ZNF831: variants seen among roughly 807,000 people sequenced by gnomAD.
The protein encoded by ZNF831 is chromosome 20 open reading frame 174.
Under a neutral mutation model 95.8 loss-of-function variants are expected in ZNF831, and 59 were observed. The ratio of observed to expected loss-of-function variants is 0.62; its 90% CI spans 0.50 to 0.77. The LOEUF is 0.77. Ranked by LOEUF, ZNF831 falls within the 30% of genes least tolerant of loss-of-function variation. ZNF831 has a pLI of 0.00. For synonymous variants in ZNF831, 961 were observed against 925.5 expected (o/e 1.04, Z -0.70); for missense variants, 2,205 against 2,164.0 (o/e 1.02, Z -0.38).
intron 1 of ZNF831, among the ~76,000 whole-genome samples, chr20:59,170,246 G>T (rs906395525): frequency 6.6e-6 from 1 of 152,084 alleles, no homozygotes; most frequent in African/African-American, 2.4e-5. Flanking sequence ...TGTGGGAAAT[G>T]CTCCTCTTTT....
intron 1 of ZNF831, among the ~76,000 whole-genome samples, chr20:59,145,340 G>A (rs535065857): frequency 6.6e-6 from 1 of 152,058 alleles, no homozygotes; most frequent in African/African-American, 2.4e-5. Flanking sequence ...AGGAGGGGTC[G>A]GTCCTTTAAG....
At chr20:59,176,118 C>T (rs542829315) in intron 1 of ZNF831, among the ~76,000 whole-genome samples, 10 of 152,286 alleles carry the variant, frequency 6.6e-5, no homozygotes, top group Middle Eastern at 3.4e-3. Context: ...ACACCCACAC[C>T]GTAAAACAGG....
In ZNF831 at chr20:59,195,926, T is replaced by G. The variant is rs370114930; in HGVS notation, c.3796T>G (p.Trp1266Gly). The change falls in exon 3 of 6, where the codon TGG becomes GGG. Residue 1266 changes from tryptophan to glycine, a missense_variant. By Grantham distance (184) the Trp-to-Gly change is radical (BLOSUM62 -2). Coordinates refer to ENST00000371030, the MANE Select transcript of ZNF831 (RefSeq NM_178457.3). The part of the protein sequence containing the change: ...MPQHQVSEPE[W>G]KKGLPWRAKM... ...CCAGCACCAGGTGTCTGAGCCAGAA[T>G]GGAAGAAAGGCCTGCCTTGGAGGGC... The G allele has an allele frequency of 6.8e-6, 11 of 1,614,030 alleles. No individual in the cohort carries two copies. The highest frequency in any genetic ancestry group is 9.3e-6 in the Non-Finnish European group (11 of 1,180,030).
chr20:59,136,043 C>G (rs77044088), intron 1 of ZNF831, among the ~76,000 whole-genome samples: 15,461 of 152,210 alleles, frequency 0.1, 830 homozygotes, highest in Non-Finnish European at 0.12. Context: ...GCTTATTCAG[C>G]TTGTCATCAG....
chr20:59,214,210 C>T (rs1389429791), intron 4 of ZNF831, among the ~76,000 whole-genome samples: 1 of 152,206 alleles, frequency 6.6e-6, no homozygotes, highest in Non-Finnish European at 1.5e-5. Flanking sequence ...CCACGTGTCC[C>T]TGCTTCACTG....
chr20:59,207,106 G>A (rs769327353), intron 4 of ZNF831, 50 bp downstream of exon 4: 87 of 1,596,176 alleles, frequency 5.5e-5, no homozygotes, highest in Middle Eastern at 1.8e-4. Context: ...GAAGGCACCC[G>A]CCCAAGGCAT....
intron 1 of ZNF831, among the ~76,000 whole-genome samples, chr20:59,129,395 G>A (rs1979279365): frequency 6.6e-6 from 1 of 152,170 alleles, no homozygotes; most frequent in Non-Finnish European, 1.5e-5. Flanking sequence ...GGGAGGCTGA[G>A]GCGGGTGGAT....
At chr20:59,204,601 C>G (rs1984752948) in intron 3 of ZNF831, among the ~76,000 whole-genome samples, 1 of 152,144 alleles carries the variant, frequency 6.6e-6, no homozygotes, top group Non-Finnish European at 1.5e-5. Flanking sequence ...AGTTTCGCCC[C>G]AGAAAGGAAT....
At chr20:59,220,182 C>T (rs956376427) in intron 4 of ZNF831, among the ~76,000 whole-genome samples, 1 of 152,158 alleles carries the variant, frequency 6.6e-6, no homozygotes, top group African/African-American at 2.4e-5. Context: ...CTGGAATTTT[C>T]CTATGCAACG....
chr20:59,167,328 T>C (rs1009540168), intron 1 of ZNF831, among the ~76,000 whole-genome samples: 1 of 152,186 alleles, frequency 6.6e-6, no homozygotes, highest in Non-Finnish European at 1.5e-5. Context: ...GTATAGATTT[T>C]AAATATAAGT....
rs139643648 is a variant in ZNF831, at chr20:59,258,136, A to T, written c.*3393A>T. The T allele has an allele frequency of 6.6e-6, 1 of 152,324 alleles. No individual in the cohort carries two copies. The highest frequency in any genetic ancestry group is 1.9e-4 in the East Asian group (1 of 5,180). 9.4% of individuals were successfully genotyped at this position (152,324 alleles called of 1,614,324 possible). A position where few individuals can be genotyped will look rare whatever the true frequency, so the allele number is the denominator to read the frequency against. ...AATAATCCCCTTTGGTTCACATCTCACAGTAACCAGGAGAACCTATGGTTC... is the reference window on the plus strand; with the variant it reads ...AATAATCCCCTTTGGTTCACATCTCTCAGTAACCAGGAGAACCTATGGTTC... On this transcript the variant is annotated 3_prime_UTR_variant, in exon 6 of 6. Transcript: ENST00000371030.
At chr20:59,224,198 C>T (rs1986287535) in intron 4 of ZNF831, among the ~76,000 whole-genome samples, 1 of 152,196 alleles carries the variant, frequency 6.6e-6, no homozygotes, top group Non-Finnish European at 1.5e-5. Flanking sequence ...TTCCTGGAGA[C>T]CTGCTTCCCC....
chr20:59,251,806 C>G (rs2146753511), intron 4 of ZNF831, among the ~76,000 whole-genome samples: 1 of 152,246 alleles, frequency 6.6e-6, no homozygotes, highest in South Asian at 2.1e-4. Flanking sequence ...TTTTAAAAAG[C>G]AAAATCGTCA....
At chr20:59,155,155 A>G (rs1980468073) in intron 2 of ZNF831, among the ~76,000 whole-genome samples, 1 of 151,982 alleles carries the variant, frequency 6.6e-6, no homozygotes, top group Admixed American at 6.5e-5. Flanking sequence ...CTTTTTTTTC[A>G]TTACAATCTG....
intron 4 of ZNF831, among the ~76,000 whole-genome samples, chr20:59,237,143 A>AGGG: frequency 6.6e-6 from 1 of 152,282 alleles, no homozygotes; most frequent in African/African-American, 2.4e-5. Context: ...TATACCTAAT[A>AGGG]AGCCTTTCCT....
At position 59,184,044 on chromosome 20, in the gene ZNF831, A is replaced by C. The variant is rs76395866; in HGVS notation, c.-36-6940A>C. On this transcript the variant is annotated intron_variant, in intron 1 of 5. Transcript: ENST00000371030. ...CCACCTCTTCATCCCCTCCTCCCCC[A>C]ACCCCTGGCAACCCCTGACCTTTTC... 1.2e-3 allele frequency among the ~76,000 whole-genome samples: 188 copies of C among 151,336 alleles called. 2 individuals carry two copies. In the East Asian group the frequency reaches 0.031, roughly 25 times the overall value.
intron 4 of ZNF831, among the ~76,000 whole-genome samples, chr20:59,251,953 G>A (rs1987910688): frequency 6.6e-6 from 1 of 152,072 alleles, no homozygotes; most frequent in African/African-American, 2.4e-5. Context: ...CAGGCCATAG[G>A]GGTTAGAGAA....
At chr20:59,189,582 G>A (rs1983343716) in intron 1 of ZNF831, among the ~76,000 whole-genome samples, 1 of 152,146 alleles carries the variant, frequency 6.6e-6, no homozygotes, top group African/African-American at 2.4e-5. Context: ...TGCGATATTG[G>A]CTCACTGGAA....
At chr20:59,144,522 C>G (rs565870489) in intron 1 of ZNF831, among the ~76,000 whole-genome samples, 2 of 151,982 alleles carry the variant, frequency 1.3e-5, no homozygotes, top group African/African-American at 4.8e-5. Context: ...CCCAATGTCC[C>G]CAGAGGGGAA....
Sources: gnomAD v4.1 joint callset for allele counts (sites outside exome capture counted in the v4.1 genomes callset) on GRCh38, gnomAD v4.1.1 for gene constraint, MANE v1.5 for transcripts, NCBI Gene and HGNC (gene_info 2026-07-23, HGNC 2026-07-21) for gene names.